Variants in CCDC148 observed in about 807,000 individuals in gnomAD.
CCDC148 encodes the protein coiled-coil domain containing 148.
CCDC148 carries 89 observed loss-of-function variants against 85.7 expected under a neutral mutation model. The ratio of observed to expected loss-of-function variants is 1.04; its 90% CI spans 0.87 to 1.24. CCDC148 has a LOEUF of 1.24. Among genes scored for constraint, CCDC148 ranks in the 50% most tolerant of loss-of-function variants. The pLI is 0.00. For synonymous variants in CCDC148, 230 were observed against 213.9 expected, an observed-to-expected ratio of 1.08 and a Z score of -0.66; for missense variants, 692 against 671.7, an observed-to-expected ratio of 1.03 and a Z score of -0.33.
chr2:158,224,849 A>T (rs970339212), intron 10 of CCDC148, among the ~76,000 whole-genome samples: 1 of 152,188 alleles, frequency 6.6e-6, no homozygotes, highest in African/African-American at 2.4e-5. Context: ...CTGCAAAAAC[A>T]TGCCAAATTG....
At chr2:158,238,881 A>G (rs536566144) in intron 10 of CCDC148, among the ~76,000 whole-genome samples, 1 of 152,298 alleles carries the variant, frequency 6.6e-6, no homozygotes, top group African/African-American at 2.4e-5. Flanking sequence ...TTAACAGCAC[A>G]CAGCAATCAT....
intron 1 of CCDC148, among the ~76,000 whole-genome samples, chr2:158,439,443 A>C (rs1024955887): frequency 6.6e-6 from 1 of 152,136 alleles, no homozygotes; most frequent in African/African-American, 2.4e-5. Context: ...ACTTGGACAC[A>C]GGGTGGGGAA....
intron 10 of CCDC148, among the ~76,000 whole-genome samples, chr2:158,243,542 C>A (rs977882905): frequency 6.6e-5 from 10 of 152,136 alleles, no homozygotes; most frequent in Non-Finnish European, 1.2e-4. Context: ...CGGTCTCCTG[C>A]CGAGATGGCT....
At chr2:158,288,812 G>C (rs985352271) in intron 9 of CCDC148, 2 of 373,296 alleles carry the variant, frequency 5.4e-6, no homozygotes, top group Admixed American at 3.0e-5. Flanking sequence ...CCATTTTCAT[G>C]CTGCTGATAA....
At chr2:158,243,126 G>A (rs988284394) in intron 10 of CCDC148, among the ~76,000 whole-genome samples, 2 of 152,108 alleles carry the variant, frequency 1.3e-5, no homozygotes, top group African/African-American at 2.4e-5. Flanking sequence ...TTTACAGGAG[G>A]ATCTGGATAG....
At chr2:158,174,360 T>C (rs1684467635) in intron 13 of CCDC148, among the ~76,000 whole-genome samples, 1 of 152,006 alleles carries the variant, frequency 6.6e-6, no homozygotes, top group Non-Finnish European at 1.5e-5. Context: ...TTCTTTGTCC[T>C]CTCCCTTTCT....
intron 7 of CCDC148, among the ~76,000 whole-genome samples, chr2:158,323,520 C>A (rs1176712255): frequency 2.0e-5 from 3 of 152,136 alleles, no homozygotes; most frequent in Admixed American, 6.5e-5. Flanking sequence ...GAAATGGCAA[C>A]CTGTTTTACC....
At chr2:158,296,823 C>G (rs1049487668) in intron 9 of CCDC148, among the ~76,000 whole-genome samples, 1 of 152,156 alleles carries the variant, frequency 6.6e-6, no homozygotes, top group African/African-American at 2.4e-5. Context: ...ATCAAGTCCT[C>G]GAACCCTGGG....
intron 11 of CCDC148, among the ~76,000 whole-genome samples, chr2:158,200,157 T>C (rs1048973393): frequency 2.6e-5 from 4 of 152,220 alleles, no homozygotes; most frequent in Admixed American, 6.5e-5. Flanking sequence ...ATGATCATTA[T>C]CTAGGTTCAT....
In CCDC148 at chr2:158,386,814, C is replaced by T. The variant is rs36081908; in HGVS notation, c.26-28244G>A. Among the ~76,000 whole-genome samples, 287 of 152,046 alleles carry T rather than the reference C, an allele frequency of 1.9e-3. 1 individual carries two copies. The highest frequency in any genetic ancestry group is 3.6e-3 in the Admixed American group (55 of 15,258). On this transcript the variant is annotated intron_variant, in intron 1 of 13. Transcript: ENST00000283233. Reference sequence around the variant, plus strand: ...CCCATACTCCTTCCCACATATTCTACCTCCCCTCATATGCACAGAACAATT... The same window carrying T: ...CCCATACTCCTTCCCACATATTCTATCTCCCCTCATATGCACAGAACAATT...
chr2:158,199,170 A>G (rs1685823554), intron 11 of CCDC148, among the ~76,000 whole-genome samples: 1 of 152,186 alleles, frequency 6.6e-6, no homozygotes, highest in African/African-American at 2.4e-5. Context: ...GGTGTATGAT[A>G]CTTTAAGCTT....
At chr2:158,278,911 G>T (rs1023953724) in intron 9 of CCDC148, among the ~76,000 whole-genome samples, 2 of 152,138 alleles carry the variant, frequency 1.3e-5, no homozygotes, top group Non-Finnish European at 2.9e-5. Flanking sequence ...CACACAGCCG[G>T]GTACTCCTCT....
At chr2:158,220,515 C>G in intron 11 of CCDC148, 80 bp downstream of exon 11, 1 of 934,226 alleles carries the variant, frequency 1.1e-6, no homozygotes, top group Non-Finnish European at 1.7e-6. Context: ...AAAGTTCCCT[C>G]TGATATTATT....
intron 1 of CCDC148, among the ~76,000 whole-genome samples, chr2:158,368,389 G>C (rs529352902): frequency 1.3e-5 from 2 of 152,008 alleles, no homozygotes; most frequent in African/African-American, 2.4e-5. Context: ...CATCATCCAG[G>C]CTATTTCAAT....
intron 1 of CCDC148, among the ~76,000 whole-genome samples, chr2:158,372,873 C>T (rs11895578): frequency 0.18 from 26,942 of 151,934 alleles, 3,923 homozygotes; most frequent in African/African-American, 0.4. Flanking sequence ...TACCCTTGAG[C>T]ATTCCCAAAC....
chr2:158,297,323 A>G (rs1322009514), intron 9 of CCDC148, among the ~76,000 whole-genome samples: 4 of 152,324 alleles, frequency 2.6e-5, no homozygotes, highest in Admixed American at 1.3e-4. Flanking sequence ...TACAAATGAA[A>G]GTAAATTACA....
chr2:158,406,615 T>TTTTTTTTCTGTTTTTTTTTTTTTG lies in CCDC148; in HGVS notation c.26-48046_26-48045insCAAAAAAAAAAAAACAGAAAAAAA, dbSNP rs1337404869. 1.3e-4 allele frequency among the ~76,000 whole-genome samples: 9 copies of TTTTTTTTCTGTTTTTTTTTTTTTG among 67,980 alleles called. 1 individual carries two copies. The highest frequency in any genetic ancestry group is 3.3e-4 in the East Asian group (1 of 3,020). The allele number at this position is 67,980 out of a possible 152,430, so 44.6% of individuals were successfully genotyped here. A position where few individuals can be genotyped will look rare whatever the true frequency, so the allele number is the denominator to read the frequency against. ...AGCCAGTTAAACAGATTAAATTTCT[T>TTTTTTTTCTGTTTTTTTTTTTTTG]TTTTTTTTTTTTTTTTTTTTTTTTT... is the stretch of plus-strand genomic sequence containing the variant. On this transcript the variant is annotated intron_variant, in intron 1 of 13. Coordinates refer to ENST00000283233, the MANE Select transcript of CCDC148 (RefSeq NM_138803.4).
intron 9 of CCDC148, among the ~76,000 whole-genome samples, chr2:158,294,430 A>G (rs2105191750): frequency 6.6e-6 from 1 of 152,278 alleles, no homozygotes; most frequent in Middle Eastern, 3.4e-3. Context: ...TCCAGTTTAA[A>G]TGAATAAACA....
chr2:158,381,125 T>G (rs1348276231), intron 1 of CCDC148, among the ~76,000 whole-genome samples: 1 of 152,094 alleles, frequency 6.6e-6, no homozygotes, highest in African/African-American at 2.4e-5. Context: ...AATACTAAAA[T>G]TAAGACCATC....
Sources: gnomAD v4.1 joint callset for allele counts (sites outside exome capture counted in the v4.1 genomes callset) on GRCh38, gnomAD v4.1.1 for gene constraint, MANE v1.5 for transcripts, NCBI Gene and HGNC (gene_info 2026-07-23, HGNC 2026-07-21) for gene names.